Variants in TOX observed in about 807,000 individuals in gnomAD.
TOX encodes thymocyte selection associated high mobility group box, also known as thymocyte selection-associated high mobility group box protein TOX.
In TOX, 11 loss-of-function variants were observed where a neutral mutation model predicts 53.7. The observed-to-expected ratio is 0.20, with a 90% CI of 0.13 to 0.34. TOX has a LOEUF of 0.34. TOX is among the 10% of genes least tolerant of loss of function. TOX has a pLI of 1.00. For missense variants in TOX, 570 were observed against 664.6 expected, an observed-to-expected ratio of 0.86 and a Z score of 1.56; for synonymous variants, 225 against 245.3, an observed-to-expected ratio of 0.92 and a Z score of 0.77.
rs1428370814 is a variant in TOX at position 58,947,929 on chromosome 8, C to T, written c.169-8385G>A. ...ATGCAGGTTCAACAGCAAGGTCAGG[C>T]CTTCAACCTCTAAGATAAGGTCAAG... On this transcript the variant is annotated intron_variant, in intron 2 of 8. Coordinates refer to ENST00000361421, the MANE Select transcript of TOX (RefSeq NM_014729.3). Among the ~76,000 whole-genome samples the T allele has an allele frequency of 2.6e-5, 4 of 152,152 alleles. No individual in the cohort carries two copies. The South Asian group carries it at 8.3e-4, about 32-fold the overall frequency.
intron 5 of TOX, among the ~76,000 whole-genome samples, chr8:58,834,217 C>A (rs77564978): frequency 3.3e-5 from 5 of 152,076 alleles, no homozygotes; most frequent in Non-Finnish European, 7.3e-5. Flanking sequence ...ACCATTTTTC[C>A]CAGTTTGTGT....
At chr8:59,095,389 T>C (rs747262560) in intron 1 of TOX, among the ~76,000 whole-genome samples, 4 of 152,218 alleles carry the variant, frequency 2.6e-5, no homozygotes, top group Non-Finnish European at 5.9e-5. Context: ...CTCAAGAATA[T>C]CCTGAAAGAT....
intron 3 of TOX, among the ~76,000 whole-genome samples, chr8:58,923,942 T>C (rs1434407892): frequency 2.0e-5 from 3 of 152,180 alleles, no homozygotes; most frequent in Non-Finnish European, 4.4e-5. Flanking sequence ...TGAATGCATA[T>C]GAATGCAACA....
At chr8:59,080,175 GT>G (rs1324168228) in intron 1 of TOX, among the ~76,000 whole-genome samples, 2 of 151,936 alleles carry the variant, frequency 1.3e-5, no homozygotes, top group African/African-American at 4.8e-5. Context: ...TAGACACAGG[GT>G]TTCACCATGT....
intron 7 of TOX, among the ~76,000 whole-genome samples, chr8:58,813,017 G>A (rs1810109571): frequency 6.6e-6 from 1 of 152,038 alleles, no homozygotes; most frequent in Non-Finnish European, 1.5e-5. Context: ...CTCCATTTTG[G>A]GCTTATGCCA....
chr8:58,851,031 C>T lies in TOX; in HGVS notation c.693+493G>A, dbSNP rs1434203838. ...CGTTAACAAAAGGTATGCAATGAAT[C>T]ACCCAGGAAAGGAGTCATCTAATAT... On this transcript the variant is annotated intron_variant, in intron 4 of 8. Coordinates refer to ENST00000361421, the MANE Select transcript of TOX (RefSeq NM_014729.3). The surrounding 1 kb of genome is among the most constrained non-coding windows in gnomAD (Gnocchi z 4.4). Among the ~76,000 whole-genome samples, 1 of 152,118 alleles carries T rather than the reference C, an allele frequency of 6.6e-6. No individual in the cohort carries two copies. Among genetic ancestry groups the T allele is most frequent in the Non-Finnish European group, 1.5e-5 (1 of 68,008 alleles).
chr8:59,071,196 G>A (rs1309975376), intron 1 of TOX, among the ~76,000 whole-genome samples: 1 of 152,192 alleles, frequency 6.6e-6, no homozygotes, highest in Non-Finnish European at 1.5e-5. Flanking sequence ...TGCAAGGAGG[G>A]AGGGAGTAAG....
rs201625696 is a variant in TOX at position 59,092,265 on chromosome 8, T to TTATATATATATATA, written c.102+26607_102+26620dup. 2.3e-4 allele frequency among the ~76,000 whole-genome samples: 21 copies of TTATATATATATATA among 89,926 alleles called. 1 individual carries two copies. Among genetic ancestry groups the TTATATATATATATA allele is most frequent in the Non-Finnish European group, 3.2e-4 (18 of 56,302 alleles). The allele number at this position is 89,926 out of a possible 152,430, so 59.0% of individuals were successfully genotyped here. On this transcript the variant is annotated intron_variant, in intron 1 of 8. Transcript: ENST00000361421. Reference sequence around the variant, plus strand: ...AGACTCCATCTCATATATATATATTTTATATATATATATATATTATATATA... The same window carrying TTATATATATATATA: ...AGACTCCATCTCATATATATATATTTTATATATATATATATATATATATATATATATTATATATA...
intron 1 of TOX, among the ~76,000 whole-genome samples, chr8:59,113,796 C>G (rs184106344): frequency 4.0e-5 from 6 of 151,714 alleles, no homozygotes; most frequent in Non-Finnish European, 8.8e-5. Flanking sequence ...GGTAGACCTG[C>G]GACTGAGGGC....
At position 58,897,372 on chromosome 8, in the gene TOX, G is replaced by A. The variant is rs944016973; in HGVS notation, c.411+41930C>T. Among the ~76,000 whole-genome samples the A allele has an allele frequency of 3.9e-5, 6 of 152,142 alleles. No individual in the cohort carries two copies. In the East Asian group the frequency reaches 7.7e-4, roughly 20 times the overall value. ...TGGATACTACAAAATAAATTAACGTGTCAGAAAATCAGAAACCTGTGAAGA... is the reference window on the plus strand; with the variant it reads ...TGGATACTACAAAATAAATTAACGTATCAGAAAATCAGAAACCTGTGAAGA... On this transcript the variant is annotated intron_variant, in intron 3 of 8. Transcript: ENST00000361421.
intron 6 of TOX, among the ~76,000 whole-genome samples, chr8:58,820,833 A>G (rs1265554068): frequency 1.3e-5 from 2 of 152,160 alleles, no homozygotes; most frequent in Non-Finnish European, 2.9e-5. Flanking sequence ...TGAATGCAAC[A>G]CTCATTTTGG....
intron 3 of TOX, among the ~76,000 whole-genome samples, chr8:58,882,639 G>GA (rs943142478): frequency 1.3e-5 from 2 of 152,050 alleles, no homozygotes; most frequent in African/African-American, 2.4e-5. Flanking sequence ...CTATAATTTT[G>GA]AAAAAATGTT....
intron 3 of TOX, among the ~76,000 whole-genome samples, chr8:58,923,582 C>A (rs1436858986): frequency 1.3e-5 from 2 of 152,174 alleles, no homozygotes; most frequent in Admixed American, 6.5e-5. Flanking sequence ...AACACTACCT[C>A]CATTAATTAG....
chr8:58,838,036 C>G, intron 5 of TOX, 45 bp downstream of exon 5: 1 of 1,583,426 alleles, frequency 6.3e-7, no homozygotes, highest in Non-Finnish European at 8.6e-7. Context: ...TCAGACTGCA[C>G]AATCTCAGCT....
intron 2 of TOX, among the ~76,000 whole-genome samples, chr8:58,955,412 G>A (rs540907565): frequency 1.3e-5 from 2 of 152,068 alleles, no homozygotes; most frequent in Admixed American, 6.6e-5. Flanking sequence ...GAAGGAGGGA[G>A]GGAATGAAGG....
chr8:58,967,510 C>A (rs1200052386), intron 1 of TOX, among the ~76,000 whole-genome samples: 1 of 152,116 alleles, frequency 6.6e-6, no homozygotes, highest in African/African-American at 2.4e-5. Context: ...GGCACCACTT[C>A]CATTGCCACC....
chr8:59,071,115 G>A (rs941259001), intron 1 of TOX, among the ~76,000 whole-genome samples: 3 of 152,178 alleles, frequency 2.0e-5, no homozygotes, highest in Non-Finnish European at 2.9e-5. Context: ...ATCGTGAAAA[G>A]CTCGCAGACA....
intron 7 of TOX, among the ~76,000 whole-genome samples, chr8:58,812,740 C>T (rs1185535182): frequency 6.6e-6 from 1 of 152,216 alleles, no homozygotes; most frequent in Admixed American, 6.5e-5. Context: ...TCTCACTCAT[C>T]ACTCAATTTC....
intron 1 of TOX, among the ~76,000 whole-genome samples, chr8:59,034,428 C>T (rs1814417472): frequency 6.6e-6 from 1 of 152,210 alleles, no homozygotes; most frequent in Non-Finnish European, 1.5e-5. Flanking sequence ...TTCCCTATCC[C>T]CACCCTGTCC....
Sources: gnomAD v4.1 joint callset for allele counts (sites outside exome capture counted in the v4.1 genomes callset) on GRCh38, gnomAD v4.1.1 for gene constraint, Gnocchi (gnomAD v3.1) non-coding constraint, MANE v1.5 for transcripts, NCBI Gene and HGNC (gene_info 2026-07-23, HGNC 2026-07-21) for gene names.